WDR72: variants seen among roughly 807,000 people sequenced by gnomAD.
WDR72 encodes WD repeat domain 72, also known as WD repeat-containing protein 72.
Under a neutral mutation model 124.2 loss-of-function variants are expected in WDR72, and 120 were observed. That is an observed-to-expected ratio of 0.97 (90% CI 0.83 to 1.12). The LOEUF (loss-of-function observed/expected upper bound fraction) is 1.12, where lower values mean the gene tolerates loss of function less well. WDR72 is among the 50% of genes most tolerant of loss of function. The pLI, the probability that WDR72 is intolerant of heterozygous loss-of-function variation, is 0.00. For missense variants in WDR72, 1,387 were observed against 1,278.8 expected, an observed-to-expected ratio of 1.08 and a Z score of -1.29; for synonymous variants, 452 against 441.7, an observed-to-expected ratio of 1.02 and a Z score of -0.29.
chr15:53,644,747 G>A (rs754974216), intron 14 of WDR72, among the ~76,000 whole-genome samples: 3 of 152,000 alleles, frequency 2.0e-5, no homozygotes, highest in South Asian at 4.2e-4. Context: ...TCCTTCCAAC[G>A]GGTCGGGTGG....
intron 16 of WDR72, among the ~76,000 whole-genome samples, chr15:53,610,704 C>T (rs7169864): frequency 0.3 from 46,024 of 151,750 alleles, 7,916 homozygotes; most frequent in African/African-American, 0.47. Flanking sequence ...ATTGATATTA[C>T]TTTTTCCTGA....
At chr15:53,629,003 G>A (rs191423497) in intron 14 of WDR72, among the ~76,000 whole-genome samples, 19 of 152,140 alleles carry the variant, frequency 1.2e-4, no homozygotes, top group African/African-American at 2.6e-4. Flanking sequence ...GGCCATTGGC[G>A]GGTGGACAAC....
At chr15:53,529,164 A>ATATATATATTTTTTTTTTT (rs59003623) in intron 18 of WDR72, among the ~76,000 whole-genome samples, 3 of 78,166 alleles carry the variant, frequency 3.8e-5, no homozygotes, top group African/African-American at 1.5e-4. Flanking sequence ...ATATATATAT[A>ATATATATATTTTTTTTTTT]TTTTTTTTTT....
At chr15:53,760,198 T>C (rs1237937486), upstream of WDR72, among the ~76,000 whole-genome samples, 1 of 152,134 alleles carries the variant, frequency 6.6e-6, no homozygotes, top group Non-Finnish European at 1.5e-5. Context: ...CTTTTAGTTA[T>C]TTTTAACTGC....
chr15:53,627,341 G>C (rs1451858132), intron 14 of WDR72, among the ~76,000 whole-genome samples: 1 of 152,190 alleles, frequency 6.6e-6, no homozygotes, highest in East Asian at 1.9e-4. Context: ...TAATGAACTA[G>C]TCACATATAA....
chr15:53,557,679 A>G (rs1254425061), intron 18 of WDR72, among the ~76,000 whole-genome samples: 1 of 152,000 alleles, frequency 6.6e-6, no homozygotes, highest in Non-Finnish European at 1.5e-5. Flanking sequence ...AAAAGTGACC[A>G]CCGACCATCC....
intron 13 of WDR72, among the ~76,000 whole-genome samples, chr15:53,668,954 AGG>A: frequency 3.2e-5 from 1 of 31,548 alleles, no homozygotes; most frequent in South Asian, 2.4e-3. Context: ...GAGCAGGAGG[AGG>A]AGGAGAAGGA....
intron 14 of WDR72, among the ~76,000 whole-genome samples, chr15:53,657,839 C>T (rs1429411476): frequency 6.6e-6 from 1 of 152,134 alleles, no homozygotes; most frequent in African/African-American, 2.4e-5. Context: ...AACAATAACG[C>T]CGACCTTGAA....
rs746835936 is a variant in WDR72, at chr15:53,721,587, T to C, written c.260+1215A>G. Among the ~76,000 whole-genome samples, 9 of 152,222 alleles carry C rather than the reference T, an allele frequency of 5.9e-5. 1 individual carries two copies. The highest frequency in any genetic ancestry group is 4.1e-4 in the South Asian group (2 of 4,834). ...AAATATTACAATTAATGATTTACTATAAGCTATGAAAATAGGTATCTCTTT... is the reference window on the plus strand; with the variant it reads ...AAATATTACAATTAATGATTTACTACAAGCTATGAAAATAGGTATCTCTTT... On this transcript the variant is annotated intron_variant, in intron 3 of 19. Coordinates refer to ENST00000360509, the MANE Select transcript of WDR72 (RefSeq NM_182758.4).
At chr15:53,534,721 C>T (rs182360677) in intron 18 of WDR72, among the ~76,000 whole-genome samples, 8 of 152,130 alleles carry the variant, frequency 5.3e-5, no homozygotes, top group Admixed American at 3.9e-4. Context: ...GGTACTCTCA[C>T]GTAAAGTACT....
At chr15:53,726,285 T>TATATATAC (rs1228132828) in intron 2 of WDR72, among the ~76,000 whole-genome samples, 2 of 115,442 alleles carry the variant, frequency 1.7e-5, no homozygotes, top group African/African-American at 3.7e-5. Flanking sequence ...TATATATATA[T>TATATATAC]ACACACACAC....
intron 4 of WDR72, among the ~76,000 whole-genome samples, chr15:53,715,761 G>T (rs1595869711): frequency 6.6e-6 from 1 of 152,226 alleles, no homozygotes; most frequent in Admixed American, 6.5e-5. Context: ...GGAATTTGAG[G>T]TTGCCGTTAG....
intron 13 of WDR72, among the ~76,000 whole-genome samples, chr15:53,676,671 G>A (rs1220106331): frequency 1.3e-5 from 2 of 152,200 alleles, no homozygotes; most frequent in African/African-American, 2.4e-5. Flanking sequence ...TGAGAGCCCA[G>A]TTGGCTGACA....
intron 19 of WDR72, among the ~76,000 whole-genome samples, chr15:53,520,354 A>T (rs937440815): frequency 1.3e-5 from 2 of 152,114 alleles, no homozygotes; most frequent in African/African-American, 4.8e-5. Flanking sequence ...TTCAATATCC[A>T]TTAAAGTTAG....
intron 3 of WDR72, among the ~76,000 whole-genome samples, chr15:53,717,710 A>G (rs186660042): frequency 4.6e-5 from 7 of 152,276 alleles, no homozygotes; most frequent in African/African-American, 1.7e-4. Context: ...ATATCCTACA[A>G]TGCATAGAAC....
chr15:53,547,547 C>T (rs563457859), intron 18 of WDR72, among the ~76,000 whole-genome samples: 2 of 152,174 alleles, frequency 1.3e-5, no homozygotes, highest in Non-Finnish European at 2.9e-5. Context: ...CATCAGGTCT[C>T]AGTGGTTGTA....
At chr15:53,654,768 A>C (rs1338424924) in intron 14 of WDR72, among the ~76,000 whole-genome samples, 3 of 152,228 alleles carry the variant, frequency 2.0e-5, no homozygotes, top group Non-Finnish European at 4.4e-5. Context: ...ATTATCATAA[A>C]AAGTGAAAAT....
At chr15:53,753,776 T>A (rs1383498577) in intron 1 of WDR72, among the ~76,000 whole-genome samples, 5 of 152,200 alleles carry the variant, frequency 3.3e-5, no homozygotes, top group Non-Finnish European at 5.9e-5. Flanking sequence ...TCAGCAAGTG[T>A]TTACTGAATG....
At chr15:53,746,331 A>G (rs1274861911) in intron 1 of WDR72, among the ~76,000 whole-genome samples, 1 of 152,166 alleles carries the variant, frequency 6.6e-6, no homozygotes, top group Non-Finnish European at 1.5e-5. Context: ...AGCTGTCTTC[A>G]GGGACACACC....
Sources: gnomAD v4.1 joint callset for allele counts (sites outside exome capture counted in the v4.1 genomes callset) on GRCh38, gnomAD v4.1.1 for gene constraint, MANE v1.5 for transcripts, NCBI Gene and HGNC (gene_info 2026-07-23, HGNC 2026-07-21) for gene names.